Variants in SUGCT observed in about 807,000 individuals in gnomAD.
SUGCT encodes succinyl-CoA:glutarate-CoA transferase, also known as succinyl-CoA:glutarate CoA-transferase.
SUGCT carries 41 observed loss-of-function variants against 55.0 expected under a neutral mutation model. The observed-to-expected ratio is 0.74, with a 90% CI of 0.58 to 0.97. SUGCT has a LOEUF of 0.97. Ranked by LOEUF, SUGCT falls within the 50% of genes least tolerant of loss-of-function variation. The pLI is 0.00. For synonymous variants in SUGCT, 187 were observed against 200.4 expected (o/e 0.93, Z 0.56); for missense variants, 568 against 547.8 (o/e 1.04, Z -0.37).
intron 12 of SUGCT, among the ~76,000 whole-genome samples, chr7:40,674,459 C>T (rs1490448096): frequency 6.6e-6 from 1 of 152,124 alleles, no homozygotes; most frequent in East Asian, 1.9e-4. Context: ...CTCATGAAGA[C>T]ATTTAAAAAG....
At chr7:40,508,816 A>G (rs1295769682) in intron 12 of SUGCT, among the ~76,000 whole-genome samples, 2 of 152,164 alleles carry the variant, frequency 1.3e-5, no homozygotes, top group East Asian at 1.9e-4. Context: ...GATAACCCAA[A>G]TGTATCTTTA....
chr7:40,898,723 C>A, the SUGCT span, among the ~76,000 whole-genome samples: 2 of 151,898 alleles, frequency 1.3e-5, no homozygotes, highest in South Asian at 4.1e-4. Flanking sequence ...ACACTTACCA[C>A]GAGGGTACGC....
intron 12 of SUGCT, among the ~76,000 whole-genome samples, chr7:40,704,950 T>A (rs936122913): frequency 6.6e-6 from 1 of 152,196 alleles, no homozygotes; most frequent in Non-Finnish European, 1.5e-5. Flanking sequence ...TCAACCACTA[T>A]GTAAATGACA....
intron 13 of SUGCT, among the ~76,000 whole-genome samples, chr7:40,806,939 T>C (rs2128754008): frequency 6.6e-6 from 1 of 152,256 alleles, no homozygotes; most frequent in Middle Eastern, 3.4e-3. Flanking sequence ...CTTCACCTCT[T>C]TATATATAAG....
the SUGCT span, among the ~76,000 whole-genome samples, chr7:40,904,557 G>C: frequency 2.6e-5 from 4 of 152,190 alleles, no homozygotes; most frequent in African/African-American, 9.7e-5. Flanking sequence ...ATGAGGAATG[G>C]GGAGTTGGTG....
At chr7:40,178,160 T>A (rs547553130) in intron 1 of SUGCT, among the ~76,000 whole-genome samples, 1 of 152,360 alleles carries the variant, frequency 6.6e-6, no homozygotes, top group Non-Finnish European at 1.5e-5. Context: ...TTCTTCTACA[T>A]CTTGCATTTT....
chr7:40,705,941 TC>T (rs981552007), intron 12 of SUGCT, among the ~76,000 whole-genome samples: 1 of 152,198 alleles, frequency 6.6e-6, no homozygotes, highest in Non-Finnish European at 1.5e-5. Flanking sequence ...CCTTAATTTT[TC>T]TTTGGCCTTA....
At chr7:40,837,171 T>G (rs2128784606) in intron 13 of SUGCT, among the ~76,000 whole-genome samples, 1 of 152,354 alleles carries the variant, frequency 6.6e-6, no homozygotes, top group African/African-American at 2.4e-5. Context: ...ATTTTTATTA[T>G]AATTCCTGAA....
chr7:40,393,395 CTT>C (rs1161319847), intron 9 of SUGCT, among the ~76,000 whole-genome samples: 1 of 152,096 alleles, frequency 6.6e-6, no homozygotes, highest in African/African-American at 2.4e-5. Flanking sequence ...CAACTGGTGA[CTT>C]TTGCAAGAAG....
At chr7:40,606,924 G>A (rs145877074) in intron 12 of SUGCT, among the ~76,000 whole-genome samples, 4 of 152,226 alleles carry the variant, frequency 2.6e-5, no homozygotes, top group Non-Finnish European at 4.4e-5. Context: ...TTTTGCTTTC[G>A]AAGAAGAATC....
chr7:40,450,828 T>C (rs1789152558), intron 10 of SUGCT, among the ~76,000 whole-genome samples: 1 of 152,072 alleles, frequency 6.6e-6, no homozygotes, highest in Non-Finnish European at 1.5e-5. Flanking sequence ...GTAGTTAACT[T>C]ATTATGTACA....
chr7:40,749,513 G>A lies in SUGCT; in HGVS notation c.1153+16G>A. 6.2e-7 allele frequency: 1 copy of A among 1,605,788 alleles called. No individual in the cohort carries two copies. The highest frequency in any genetic ancestry group is 1.1e-5 in the South Asian group (1 of 90,910). ...TCCGTCCCAGGTCTGAAAAGTTTTG[G>A]TATTTTCTCTAGCACCTTTCTTTAT... On this transcript the variant is annotated intron_variant, in intron 13 of 13. Coordinates refer to ENST00000335693, the MANE Select transcript of SUGCT (RefSeq NM_001193313.2).
chr7:40,760,061 A>G (rs1788457395), intron 13 of SUGCT, among the ~76,000 whole-genome samples: 1 of 152,118 alleles, frequency 6.6e-6, no homozygotes, highest in Non-Finnish European at 1.5e-5. Flanking sequence ...TATGTTTGGG[A>G]TATATATGCA....
chr7:40,670,169 C>CAAAAAAAA (rs34786531), intron 12 of SUGCT, among the ~76,000 whole-genome samples: 67 of 58,224 alleles, frequency 1.2e-3, no homozygotes, highest in African/African-American at 1.6e-3. Flanking sequence ...GACTCCATCT[C>CAAAAAAAA]AAAAAAAAAA....
chr7:40,232,309 T>C (rs1171129999), intron 6 of SUGCT, among the ~76,000 whole-genome samples: 1 of 151,990 alleles, frequency 6.6e-6, no homozygotes, highest in Admixed American at 6.6e-5. Flanking sequence ...GTCGGGAGAG[T>C]TGTTTTGATA....
At chr7:40,411,424 A>T (rs959656166) in intron 9 of SUGCT, among the ~76,000 whole-genome samples, 2 of 152,202 alleles carry the variant, frequency 1.3e-5, no homozygotes, top group African/African-American at 2.4e-5. Flanking sequence ...AATGAATTAT[A>T]CATTTGAGGA....
At chr7:40,600,265 A>G (rs754912070) in intron 12 of SUGCT, among the ~76,000 whole-genome samples, 5 of 152,210 alleles carry the variant, frequency 3.3e-5, no homozygotes, top group African/African-American at 4.8e-5. Context: ...ATCCCAATGT[A>G]GACTCAAGCT....
chr7:40,159,119 CA>C, intron 1 of SUGCT, among the ~76,000 whole-genome samples: 1 of 152,118 alleles, frequency 6.6e-6, no homozygotes, highest in South Asian at 2.1e-4. Flanking sequence ...AGGGTTTCCT[CA>C]TATTGCTGAG....
chr7:40,996,046 A>G, the SUGCT span, among the ~76,000 whole-genome samples: 1 of 152,186 alleles, frequency 6.6e-6, no homozygotes, highest in Non-Finnish European at 1.5e-5. Context: ...CAGTGTGAGC[A>G]ATTTTGTCAC....
Sources: gnomAD v4.1 joint callset for allele counts (sites outside exome capture counted in the v4.1 genomes callset) on GRCh38, gnomAD v4.1.1 for gene constraint, MANE v1.5 for transcripts, NCBI Gene and HGNC (gene_info 2026-07-23, HGNC 2026-07-21) for gene names.